The following NKX6-3 variants were observed in gnomAD, a reference collection of about 807,000 sequenced individuals.
NKX6-3 encodes the protein NK6 homeobox 3, also known as homeobox protein Nkx-6.3.
A neutral mutation model predicts 22.0 loss-of-function variants in NKX6-3; 17 were observed. That is an observed-to-expected ratio of 0.77 (90% CI 0.53 to 1.16). The LOEUF is 1.16. NKX6-3 is among the 50% of genes most tolerant of loss of function. The pLI is 0.00. For synonymous variants in NKX6-3, 177 were observed against 167.2 expected, an observed-to-expected ratio of 1.06 and a Z score of -0.45; for missense variants, 363 against 359.0, an observed-to-expected ratio of 1.01 and a Z score of -0.09.
In NKX6-3 at chr8:41,646,348, G is replaced by T; in HGVS notation, c.*101C>A. 1 of 1,440,922 alleles carries T rather than the reference G, an allele frequency of 6.9e-7. No individual in the cohort carries two copies. 89.3% of individuals were successfully genotyped at this position (1,440,922 alleles called of 1,614,324 possible). A position where few individuals can be genotyped will look rare whatever the true frequency, so the allele number is the denominator to read the frequency against. On this transcript the variant is annotated 3_prime_UTR_variant, in exon 3 of 3. Transcript: ENST00000518699. Reference sequence around the variant, plus strand: ...CGCCCCTCATCCAAAGAAAGACTCAGTCCCTGCGCCCCCAGGAGCGTGGGG... The same window carrying T: ...CGCCCCTCATCCAAAGAAAGACTCATTCCCTGCGCCCCCAGGAGCGTGGGG...
chr8:41,647,263 G>C (rs749716661), intron 2 of NKX6-3: 10 of 1,610,148 alleles, frequency 6.2e-6, no homozygotes, highest in Non-Finnish European at 8.5e-6. Context: ...GCAGCTGAGC[G>C]GCTGATGAGG....
intron 1 of NKX6-3, among the ~76,000 whole-genome samples, chr8:41,649,854 G>T (rs1221185880): frequency 1.3e-5 from 2 of 152,084 alleles, no homozygotes; most frequent in East Asian, 3.9e-4. Context: ...TGGAACTGCC[G>T]GGGGCCCTAG....
rs111315008 is a variant in NKX6-3, at chr8:41,648,295, C to T, written c.383-60G>A. 4.8e-3 allele frequency: 6,951 copies of T among 1,450,076 alleles called. 195 individuals are homozygous for T. The African/African-American group carries it at 0.073, about 15-fold the overall frequency. 89.8% of individuals were successfully genotyped at this position (1,450,076 alleles called of 1,614,324 possible). On this transcript the variant is annotated intron_variant, in intron 1 of 2. Coordinates refer to ENST00000518699, the MANE Select transcript of NKX6-3 (RefSeq NM_001364841.2). Reference sequence around the variant, plus strand: ...TAAGTGGGGACCCTGCGGCTAGGCACGTCTGGCAGGGCAACCACCATGCCT... The same window carrying T: ...TAAGTGGGGACCCTGCGGCTAGGCATGTCTGGCAGGGCAACCACCATGCCT...
At chr8:41,650,040 G>A in intron 1 of NKX6-3, 71 bp downstream of exon 1, 1 of 1,448,236 alleles carries the variant, frequency 6.9e-7, no homozygotes, top group Non-Finnish European at 9.1e-7. Flanking sequence ...CCGGGAGGAG[G>A]CCCCTCCTCG....
chr8:41,645,627 C>T lies in NKX6-3; in HGVS notation c.*822G>A, dbSNP rs1433173570. The stretch of plus-strand genomic sequence containing the variant: ...CCAAATGATGCCCAGGTGGGTGGCC[C>T]TTGGGCACACCGTCCCCGCCTCCCC... On this transcript the variant is annotated 3_prime_UTR_variant, in exon 3 of 3. Coordinates refer to ENST00000518699, the MANE Select transcript of NKX6-3 (RefSeq NM_001364841.2). 6.6e-6 allele frequency: 1 copy of T among 152,220 alleles called. No individual in the cohort carries two copies. Among genetic ancestry groups the T allele is most frequent in the Non-Finnish European group, 1.5e-5 (1 of 68,132 alleles). The allele number at this position is 152,220 out of a possible 1,614,324, so 9.4% of individuals were successfully genotyped here. A position where few individuals can be genotyped will look rare whatever the true frequency, so the allele number is the denominator to read the frequency against.
At chr8:41,647,327 G>C (rs1418805994) in intron 2 of NKX6-3, 2 of 1,580,510 alleles carry the variant, frequency 1.3e-6, no homozygotes, top group Non-Finnish European at 1.7e-6. Flanking sequence ...GCAAAGCCTA[G>C]ACCCAGGTGC....
chr8:41,647,262 C>T lies in NKX6-3; in HGVS notation c.553-568G>A, dbSNP rs143818219. ...CAGCTCTCGCCCCAGGGCAGCTGAG[C>T]GGCTGATGAGGAGGGCGCAGCGGGT... On this transcript the variant is annotated intron_variant, in intron 2 of 2. Coordinates refer to ENST00000518699, the MANE Select transcript of NKX6-3 (RefSeq NM_001364841.2). 1.8e-4 allele frequency: 295 copies of T among 1,609,888 alleles called. 1 individual carries two copies. The African/African-American group carries it at 3.6e-3, about 20-fold the overall frequency.
In NKX6-3 at chr8:41,646,245, CT is replaced by C; in HGVS notation, c.*203del. On this transcript the variant is annotated 3_prime_UTR_variant, in exon 3 of 3. Coordinates refer to ENST00000518699, the MANE Select transcript of NKX6-3 (RefSeq NM_001364841.2). ...CCTCCTCCTCCCTTAGCTAGGATGC[CT>C]GTCCCCTTTCCCTCCTTTTCCTCCT... The C allele has an allele frequency of 1.5e-6, 1 of 672,020 alleles. No individual in the cohort carries two copies. Among genetic ancestry groups the C allele is most frequent in the Non-Finnish European group, 2.5e-6 (1 of 403,264 alleles). 41.6% of individuals were successfully genotyped at this position (672,020 alleles called of 1,614,324 possible). A position where few individuals can be genotyped will look rare whatever the true frequency, so the allele number is the denominator to read the frequency against.
chr8:41,650,132 C>T lies in NKX6-3; in HGVS notation c.361G>A (p.Gly121Ser). ...CWADTGQDWRGGRQCSNTPDP... is the reference protein window; with the variant it reads ...CWADTGQDWRSGRQCSNTPDP... ...TCACTGTTGCTGCACTGCCGCCCGC[C>T]TCGCCAGTCTTGGCCCGTGTCCGCC... is the stretch of plus-strand genomic sequence containing the variant. The change falls in exon 1 of 3, where the codon GGC becomes AGC. Residue 121 changes from glycine (G) to serine (S), a missense_variant. By Grantham distance (56) the Gly-to-Ser change is moderately conservative. Around this residue, in one of 3 missense-constraint regions of NKX6-3, gnomAD observed 175 missense variants for 160.9 expected, o/e 1.09. Transcript: ENST00000518699. 6.5e-7 allele frequency: 1 copy of T among 1,535,314 alleles called. No individual in the cohort carries two copies. Among genetic ancestry groups the T allele is most frequent in the Non-Finnish European group, 8.7e-7 (1 of 1,146,492 alleles).
At chr8:41,647,648 T>G (rs1026793087) in intron 2 of NKX6-3, among the ~76,000 whole-genome samples, 1 of 152,174 alleles carries the variant, frequency 6.6e-6, no homozygotes. Flanking sequence ...AGCATGAATC[T>G]GGGCCAGAGA....
rs1375369272 is a variant in NKX6-3, at chr8:41,646,174, G to C, written c.*275C>G. Reference sequence around the variant, plus strand: ...GCAGGCGAGGCCCGAGGAGGTGCAAGGGGCAGCGGCTTCCAGGTCTCAGGA... The same window carrying C: ...GCAGGCGAGGCCCGAGGAGGTGCAACGGGCAGCGGCTTCCAGGTCTCAGGA... On this transcript the variant is annotated 3_prime_UTR_variant, in exon 3 of 3. Transcript: ENST00000518699. The C allele has an allele frequency of 1.8e-6, 1 of 555,902 alleles. No homozygotes were observed. The highest frequency in any genetic ancestry group is 2.0e-5 in the African/African-American group (1 of 51,244). The allele number at this position is 555,902 out of a possible 1,614,324, so 34.4% of individuals were successfully genotyped here.
At position 41,646,548 on chromosome 8, in the gene NKX6-3, CTTG is replaced by C. The variant is rs1307562935; in HGVS notation, c.696_698del (p.Asn232del). 1 of 1,611,086 alleles carries C rather than the reference CTTG, an allele frequency of 6.2e-7. No homozygotes were observed. ...CGTCGTCCGAGTCGGGGTCCAGCGG[CTTG>C]TTGTACTCGTCGTCCTCGTTCTCCG... is the stretch of plus-strand genomic sequence containing the variant. On this transcript the variant is annotated inframe_deletion, in exon 3 of 3. Coordinates refer to ENST00000518699, the MANE Select transcript of NKX6-3 (RefSeq NM_001364841.2).
chr8:41,650,261 C>T lies in NKX6-3; in HGVS notation c.232G>A (p.Ala78Thr), dbSNP rs1406755937. The change falls in exon 1 of 3, where the codon GCA becomes ACA. Residue 78 changes from alanine (A) to threonine (T), a missense_variant. Physicochemically the swap from Ala to Thr is moderately conservative, Grantham distance 58. Around this residue, in one of 3 missense-constraint regions of NKX6-3, gnomAD observed 175 missense variants for 160.9 expected, o/e 1.09. Transcript: ENST00000518699. The part of the protein sequence containing the change: ...NSLLSGYPHV[A>T]GFGGLSSQGV... ...TGCGAGCTGAGCCCCCCAAAGCCTGCCACGTGGGGGTAGCCGGAGAGGAGG... is the reference window on the plus strand; with the variant it reads ...TGCGAGCTGAGCCCCCCAAAGCCTGTCACGTGGGGGTAGCCGGAGAGGAGG... 3.9e-6 allele frequency: 6 copies of T among 1,533,200 alleles called. No homozygotes were observed. In the East Asian group the frequency reaches 1.5e-4, roughly 37 times the overall value. 95.0% of individuals were successfully genotyped at this position (1,533,200 alleles called of 1,614,324 possible).
intron 1 of NKX6-3, among the ~76,000 whole-genome samples, chr8:41,649,215 C>T (rs549547118): frequency 6.6e-6 from 1 of 152,270 alleles, no homozygotes; most frequent in South Asian, 2.1e-4. Context: ...GCACTGTGAC[C>T]GGCAAGGCAG....
Position 41,650,355 on chromosome 8 carries a change from C to A in NKX6-3, c.138G>T (p.Gln46His). 1 of 1,535,150 alleles carries A rather than the reference C, an allele frequency of 6.5e-7. No homozygotes were observed. Among genetic ancestry groups the A allele is most frequent in the Non-Finnish European group, 8.7e-7 (1 of 1,146,412 alleles). Residue 46 changes from glutamine to histidine, a missense_variant, in exon 1 of 3, where the codon CAG becomes CAT. Coordinates refer to ENST00000518699, the MANE Select transcript of NKX6-3 (RefSeq NM_001364841.2). ...YKLSPPGLGP[Q>H]LAAGTPHGIT... ...TCCCGTGGGGGGTTCCGGCGGCCAG[C>A]TGGGGGCCCAGCCCTGGGGGGCTGA...
intron 1 of NKX6-3, among the ~76,000 whole-genome samples, chr8:41,649,772 T>G (rs1331248872): frequency 6.6e-6 from 1 of 152,188 alleles, no homozygotes; most frequent in Non-Finnish European, 1.5e-5. Flanking sequence ...GGCCCTGGGC[T>G]GCAGAAGCCA....
Position 41,650,058 on chromosome 8 carries a change from C to T in NKX6-3, c.382+53G>A, listed in dbSNP as rs572265075. On this transcript the variant is annotated intron_variant, in intron 1 of 2. Coordinates refer to ENST00000518699, the MANE Select transcript of NKX6-3 (RefSeq NM_001364841.2). Reference sequence around the variant, plus strand: ...GGAGGAGGCCCCTCCTCGTCCTCTGCCCCCCGGGGCCTGGCGGGTGCCGGG... The same window carrying T: ...GGAGGAGGCCCCTCCTCGTCCTCTGTCCCCCGGGGCCTGGCGGGTGCCGGG... 1.1e-5 allele frequency: 17 copies of T among 1,486,798 alleles called. 1 individual carries two copies. The East Asian group carries it at 1.5e-4, about 13-fold the overall frequency. The allele number at this position is 1,486,798 out of a possible 1,614,324, so 92.1% of individuals were successfully genotyped here.
Position 41,650,712 on chromosome 8 carries a change from G to T in NKX6-3, c.-220C>A, listed in dbSNP as rs1804302278. The T allele has an allele frequency of 1.8e-6, 1 of 547,068 alleles. No homozygotes were observed. Among genetic ancestry groups the T allele is most frequent in the African/African-American group, 1.9e-5 (1 of 52,236 alleles). 33.9% of individuals were successfully genotyped at this position (547,068 alleles called of 1,614,324 possible). ...GGGGCAGGTGGGAGGCCTCCCCAGG[G>T]CTCCTGGCCTCTCTCCTTGCCCTGG... On this transcript the variant is annotated 5_prime_UTR_variant, in exon 1 of 3. Transcript: ENST00000518699.
chr8:41,648,200 T>G lies in NKX6-3; in HGVS notation c.418A>C (p.Lys140Gln), dbSNP rs1182325889. 15 of 1,537,644 alleles carry G rather than the reference T, an allele frequency of 9.8e-6. No individual in the cohort carries two copies. The highest frequency in any genetic ancestry group is 1.2e-5 in the Non-Finnish European group (14 of 1,146,806). The change falls in exon 2 of 3, where the codon AAG becomes CAG. Residue 140 changes from lysine to glutamine, a missense_variant. Lys to Gln is a moderately conservative substitution (Grantham distance 53). Around this residue, in one of 3 missense-constraint regions of NKX6-3, gnomAD observed 19 missense variants for 42.3 expected, o/e 0.45. Transcript: ENST00000518699. ...CCCGTGAAGGTGGGCCGGGTGTGCT[T>G]CTTCTTGTGTATGCTGTCACTCAGG... ...DPLSDSIHKK[K>Q]HTRPTFTGHQ...
Sources: gnomAD v4.1 joint callset for allele counts (sites outside exome capture counted in the v4.1 genomes callset) on GRCh38, gnomAD v4.1.1 for gene constraint, gnomAD v4.1.1 regional missense constraint, MANE v1.5 for transcripts, NCBI Gene and HGNC (gene_info 2026-07-23, HGNC 2026-07-21) for gene names.